Variants in TNRC6A observed in about 807,000 individuals in gnomAD.
TNRC6A encodes trinucleotide repeat containing adaptor 6A, also known as trinucleotide repeat-containing gene 6A protein.
TNRC6A carries 44 observed loss-of-function variants against 221.2 expected under a neutral mutation model. That is an observed-to-expected ratio of 0.20 (90% confidence interval 0.16 to 0.26). TNRC6A has a LOEUF of 0.26. TNRC6A is among the 10% of genes least tolerant of loss of function. The pLI, the probability that TNRC6A is intolerant of heterozygous loss-of-function variation, is 1.00. For synonymous variants in TNRC6A, 847 were observed against 838.5 expected (o/e 1.01, Z -0.18); for missense variants, 2,199 against 2,404.4 (o/e 0.91, Z 1.79).
intron 1 of TNRC6A, among the ~76,000 whole-genome samples, chr16:24,617,617 C>T (rs1018307590): frequency 3.9e-5 from 6 of 152,154 alleles, no homozygotes; most frequent in African/African-American, 1.4e-4. Flanking sequence ...CTCATGTAAT[C>T]CTCATAACAA....
At chr16:24,788,884 G>A (rs753672180) in intron 5 of TNRC6A, among the ~76,000 whole-genome samples, 3 of 152,120 alleles carry the variant, frequency 2.0e-5, no homozygotes, top group East Asian at 1.9e-4. Context: ...TCCTGACCTC[G>A]TGATCCACCC....
At chr16:24,768,615 A>T (rs922467915) in intron 4 of TNRC6A, among the ~76,000 whole-genome samples, 1 of 152,174 alleles carries the variant, frequency 6.6e-6, no homozygotes, top group Non-Finnish European at 1.5e-5. Flanking sequence ...ACATATAGAA[A>T]TAGCAATTTT....
intron 2 of TNRC6A, among the ~76,000 whole-genome samples, chr16:24,712,911 G>A (rs972548262): frequency 1.1e-4 from 2 of 18,136 alleles, no homozygotes; most frequent in Non-Finnish European, 7.2e-4. Flanking sequence ...GTGCCACTGT[G>A]TGTGTGTGTG....
intron 2 of TNRC6A, among the ~76,000 whole-genome samples, chr16:24,666,296 A>G (rs13331999): frequency 0.47 from 71,882 of 151,422 alleles, 19,323 homozygotes; most frequent in African/African-American, 0.75. Context: ...GTGAAACCCC[A>G]TCTCTACTAA....
At chr16:24,647,651 G>A (rs780007555) in intron 2 of TNRC6A, among the ~76,000 whole-genome samples, 5 of 151,826 alleles carry the variant, frequency 3.3e-5, no homozygotes, top group South Asian at 2.1e-4. Context: ...TCCCCCTTTC[G>A]CCCAGGCTGG....
At chr16:24,693,332 A>G (rs1272313872) in intron 2 of TNRC6A, among the ~76,000 whole-genome samples, 1 of 152,100 alleles carries the variant, frequency 6.6e-6, no homozygotes, top group African/African-American at 2.4e-5. Context: ...CACGCCTGGA[A>G]TCCCAGCTCT....
At chr16:24,793,349 CATT>C (rs1467832959) in intron 6 of TNRC6A, 121 bp from the exon 7 acceptor site, 15 of 544,328 alleles carry the variant, frequency 2.8e-5, no homozygotes, top group Admixed American at 8.1e-5. Flanking sequence ...ATCACAGTAT[CATT>C]ATTCAGTACA....
At chr16:24,665,932 G>T (rs1014521021) in intron 2 of TNRC6A, among the ~76,000 whole-genome samples, 18 of 152,128 alleles carry the variant, frequency 1.2e-4, no homozygotes, top group Non-Finnish European at 2.9e-5. Flanking sequence ...AGCTGATTGA[G>T]GTTCCTTTTC....
Position 24,756,754 on chromosome 16 carries a change from A to G in TNRC6A, c.142-1585A>G, listed in dbSNP as rs1193391401. On this transcript the variant is annotated intron_variant, in intron 3 of 24. Coordinates refer to ENST00000395799, the MANE Select transcript of TNRC6A (RefSeq NM_014494.4). ...GCATCTGCCTGTCTTCTGCCTCCCA[A>G]AGTGCTGGGATAACAGGCGTGAGCT... is the stretch of plus-strand genomic sequence containing the variant. 3.9e-5 allele frequency among the ~76,000 whole-genome samples: 6 copies of G among 152,058 alleles called. No homozygotes were observed. The South Asian group carries it at 1.0e-3, about 26-fold the overall frequency.
chr16:24,632,676 C>T (rs1901408259), intron 1 of TNRC6A, among the ~76,000 whole-genome samples: 2 of 152,050 alleles, frequency 1.3e-5, no homozygotes, highest in Admixed American at 1.3e-4. Flanking sequence ...CCACGATACC[C>T]CTACTCAAAA....
At chr16:24,812,981 C>T (rs1024075937) in intron 18 of TNRC6A, among the ~76,000 whole-genome samples, 1 of 139,708 alleles carries the variant, frequency 7.2e-6, no homozygotes, top group Admixed American at 7.3e-5. Context: ...ACTCAGATGA[C>T]CCCCCCACCT....
At chr16:24,614,327 G>C (rs2141546239) in intron 1 of TNRC6A, among the ~76,000 whole-genome samples, 1 of 149,664 alleles carries the variant, frequency 6.7e-6, no homozygotes, top group Admixed American at 6.6e-5. Flanking sequence ...GTTAGAGGAT[G>C]GAAAAAGATA....
At chr16:24,711,036 G>A (rs960348347) in intron 2 of TNRC6A, among the ~76,000 whole-genome samples, 7 of 150,950 alleles carry the variant, frequency 4.6e-5, no homozygotes, top group African/African-American at 9.7e-5. Flanking sequence ...CCACCACACC[G>A]GGCAAATTTT....
intron 7 of TNRC6A, 32 bp from the exon 8 acceptor site, chr16:24,794,512 T>C (rs1441413267): frequency 6.3e-7 from 1 of 1,588,278 alleles, no homozygotes; most frequent in Non-Finnish European, 8.5e-7. Context: ...TATTAAAGTA[T>C]GTTTCTCTTT....
chr16:24,793,502 A>T lies in TNRC6A; in HGVS notation c.3205A>T (p.Thr1069Ser). The T allele has an allele frequency of 6.6e-7, 1 of 1,516,244 alleles. No homozygotes were observed. Among genetic ancestry groups the T allele is most frequent in the East Asian group, 2.5e-5 (1 of 40,318 alleles). The allele number at this position is 1,516,244 out of a possible 1,614,324, so 93.9% of individuals were successfully genotyped here. Residue 1069 changes from threonine to serine, a missense_variant, in exon 7 of 25, where the codon ACT becomes TCT. Around this residue, in one of 8 missense-constraint regions of TNRC6A, gnomAD observed 1,405 missense variants for 1,400.2 expected, o/e 1.00. Transcript: ENST00000395799. The part of the protein sequence containing the change: ...GWGEPWGEPS[T>S]PATTVDNGTS... ...GGGTGAGCCCTGGGGGGAGCCTTCTACTCCAGCCACAACTGTGGATAATGG... is the reference window on the plus strand; with the variant it reads ...GGGTGAGCCCTGGGGGGAGCCTTCTTCTCCAGCCACAACTGTGGATAATGG...
At chr16:24,722,195 G>A (rs2056421176) in intron 2 of TNRC6A, among the ~76,000 whole-genome samples, 1 of 152,144 alleles carries the variant, frequency 6.6e-6, no homozygotes, top group Non-Finnish European at 1.5e-5. Context: ...AGGATCACTA[G>A]AGGCCAGGCA....
At chr16:24,815,412 C>T (rs111278846) in intron 19 of TNRC6A, 107 bp downstream of exon 19, 45 of 1,296,196 alleles carry the variant, frequency 3.5e-5, no homozygotes, top group African/African-American at 2.6e-4. Flanking sequence ...CTTAGACTGA[C>T]GTGTGCGGAT....
chr16:24,796,155 G>C, intron 9 of TNRC6A: 1 of 472,592 alleles, frequency 2.1e-6, no homozygotes, highest in Non-Finnish European at 3.8e-6. Flanking sequence ...GAATTTGGAA[G>C]ATGCTTGGGA....
intron 2 of TNRC6A, among the ~76,000 whole-genome samples, chr16:24,747,018 T>C (rs924870572): frequency 2.6e-5 from 4 of 152,192 alleles, no homozygotes; most frequent in African/African-American, 9.6e-5. Flanking sequence ...AAGTAAATCA[T>C]TTGTAGTGGC....
Sources: gnomAD v4.1 joint callset for allele counts (sites outside exome capture counted in the v4.1 genomes callset) on GRCh38, gnomAD v4.1.1 for gene constraint, gnomAD v4.1.1 regional missense constraint, MANE v1.5 for transcripts, NCBI Gene and HGNC (gene_info 2026-07-23, HGNC 2026-07-21) for gene names.